Variants in NMNAT2 observed in about 807,000 individuals in gnomAD.
The protein encoded by NMNAT2 is nicotinamide nucleotide adenylyltransferase 2, also known as nicotinamide/nicotinic acid mononucleotide adenylyltransferase 2.
In NMNAT2, 11 loss-of-function variants were observed where a neutral mutation model predicts 41.6. The observed-to-expected ratio is 0.26, with a 90% CI of 0.17 to 0.44. The LOEUF is 0.44. Ranked by LOEUF, NMNAT2 falls within the 20% of genes least tolerant of loss-of-function variation. The pLI is 1.00. For synonymous variants in NMNAT2, 148 were observed against 151.2 expected (o/e 0.98, Z 0.16); for missense variants, 288 against 407.7 (o/e 0.71, Z 2.53).
chr1:183,399,663 A>G (rs1426993302), intron 1 of NMNAT2, among the ~76,000 whole-genome samples: 2 of 152,250 alleles, frequency 1.3e-5, no homozygotes, highest in African/African-American at 4.8e-5. Context: ...AAAATCCTCA[A>G]TAAAATACTG....
intron 4 of NMNAT2, among the ~76,000 whole-genome samples, chr1:183,289,529 TCA>T (rs371649437): frequency 1.6e-3 from 239 of 152,316 alleles, no homozygotes; most frequent in African/African-American, 5.6e-3. Flanking sequence ...CTGTGTGTGC[TCA>T]GATATGTGGA....
intron 7 of NMNAT2, chr1:183,283,114 C>T (rs1661310343): frequency 6.6e-6 from 1 of 152,208 alleles, no homozygotes; most frequent in South Asian, 2.1e-4. Context: ...TCAGGACAAA[C>T]CCTGCCTCTC....
intron 1 of NMNAT2, among the ~76,000 whole-genome samples, chr1:183,414,859 T>C (rs1313167709): frequency 1.3e-5 from 2 of 152,204 alleles, no homozygotes; most frequent in Non-Finnish European, 2.9e-5. Context: ...CTTTTTCCTT[T>C]GATAAGAAAT....
intron 6 of NMNAT2, 146 bp downstream of exon 6, chr1:183,284,564 G>A: frequency 1.4e-6 from 1 of 723,430 alleles, no homozygotes; most frequent in Non-Finnish European, 2.5e-6. Flanking sequence ...CTGTGTGGGG[G>A]GATACGTTGT....
intron 5 of NMNAT2, among the ~76,000 whole-genome samples, chr1:183,285,959 T>A (rs1160933627): frequency 6.6e-6 from 1 of 152,208 alleles, no homozygotes; most frequent in Non-Finnish European, 1.5e-5. Context: ...CTCATGGCCC[T>A]GCTTCTTGCT....
intron 1 of NMNAT2, among the ~76,000 whole-genome samples, chr1:183,371,679 T>C (rs991055525): frequency 2.6e-5 from 4 of 152,224 alleles, no homozygotes; most frequent in African/African-American, 9.7e-5. Flanking sequence ...TCCAGGGTAT[T>C]CTGAGCTCTG....
At chr1:183,356,159 C>A (rs921749992) in intron 1 of NMNAT2, among the ~76,000 whole-genome samples, 3 of 152,216 alleles carry the variant, frequency 2.0e-5, no homozygotes, top group East Asian at 3.8e-4. Flanking sequence ...AGGAAGTGAG[C>A]TATTTTTCCA....
In NMNAT2 at chr1:183,261,208, T is replaced by C. The variant is rs763505166; in HGVS notation, c.747A>G (p.Lys249=). ...RIMNHSSILR[K]YKNNIMVVKD... ...AGCAGGATGGAGGACTCACTTTGTA[T>C]TTGCGGAGTATTGAGGAGTGATTCA... is the stretch of plus-strand genomic sequence containing the variant. The change falls in exon 9 of 11, where the codon AAA becomes AAG. Residue 249 remains lysine (K), a synonymous_variant. Transcript: ENST00000287713. 4 of 1,613,962 alleles carry C rather than the reference T, an allele frequency of 2.5e-6. No individual in the cohort carries two copies. The East Asian group carries it at 8.9e-5, about 36-fold the overall frequency.
intron 1 of NMNAT2, among the ~76,000 whole-genome samples, chr1:183,322,481 C>T (rs1392912239): frequency 6.6e-6 from 1 of 152,170 alleles, no homozygotes; most frequent in Non-Finnish European, 1.5e-5. Flanking sequence ...TCCTCCTCCA[C>T]CTGACCCATC....
At chr1:183,259,249 G>A (rs1474561203) in intron 10 of NMNAT2, among the ~76,000 whole-genome samples, 14 of 152,146 alleles carry the variant, frequency 9.2e-5, no homozygotes, top group African/African-American at 3.1e-4. Context: ...CGACTCTAAT[G>A]TGCAGCCATG....
intron 1 of NMNAT2, among the ~76,000 whole-genome samples, chr1:183,389,306 T>C (rs1409841481): frequency 6.6e-6 from 1 of 152,212 alleles, no homozygotes. Context: ...ACACATTCCT[T>C]TGGGATCCAT....
At chr1:183,295,037 G>A (rs1023438531) in intron 1 of NMNAT2, among the ~76,000 whole-genome samples, 2 of 152,036 alleles carry the variant, frequency 1.3e-5, no homozygotes, top group Non-Finnish European at 2.9e-5. Context: ...AAAGTCTCAC[G>A]CTGTCACTTA....
rs142685154 is a variant in NMNAT2 at position 183,379,092 on chromosome 1, A to AT, written c.85+39090_85+39091insA. Among the ~76,000 whole-genome samples, 3 of 115,246 alleles carry AT rather than the reference A, an allele frequency of 2.6e-5. No individual in the cohort carries two copies. The East Asian group carries it at 7.0e-4, about 27-fold the overall frequency. The allele number at this position is 115,246 out of a possible 152,430, so 75.6% of individuals were successfully genotyped here. ...TATCTATATCTATATCTATATCTAT[A>AT]ATCTATAATCTATATCTCTCTCTCT... On this transcript the variant is annotated intron_variant, in intron 1 of 10. Coordinates refer to ENST00000287713, the MANE Select transcript of NMNAT2 (RefSeq NM_015039.4).
chr1:183,395,772 G>T lies in NMNAT2; in HGVS notation c.85+22411C>A, dbSNP rs1027831642. ...TTTACAGTGTATTGGGAGAGGGGAG[G>T]TTATTGAATAATAATCTGTAGGCAT... On this transcript the variant is annotated intron_variant, in intron 1 of 10. Transcript: ENST00000287713. Among the ~76,000 whole-genome samples, 3 of 152,166 alleles carry T rather than the reference G, an allele frequency of 2.0e-5. No individual in the cohort carries two copies. In the South Asian group the frequency reaches 6.2e-4, roughly 32 times the overall value.
intron 7 of NMNAT2, among the ~76,000 whole-genome samples, chr1:183,279,774 G>A (rs927490923): frequency 6.6e-6 from 1 of 152,212 alleles, no homozygotes; most frequent in African/African-American, 2.4e-5. Flanking sequence ...GCCTTCCCAC[G>A]TAAGGGAGCC....
At chr1:183,407,767 G>A (rs1557902612) in intron 1 of NMNAT2, among the ~76,000 whole-genome samples, 1 of 152,170 alleles carries the variant, frequency 6.6e-6, no homozygotes, top group East Asian at 1.9e-4. Context: ...GCAAGAGCAC[G>A]CCTGATGCAA....
intron 1 of NMNAT2, among the ~76,000 whole-genome samples, chr1:183,305,832 C>T (rs1447201958): frequency 6.6e-6 from 1 of 151,314 alleles, no homozygotes; most frequent in East Asian, 1.9e-4. Context: ...GTGATTCTCC[C>T]GCCTTAGCCT....
intron 1 of NMNAT2, among the ~76,000 whole-genome samples, chr1:183,347,737 A>G (rs1662963749): frequency 2.6e-5 from 4 of 152,208 alleles, no homozygotes; most frequent in Admixed American, 2.6e-4. Flanking sequence ...TGCAGCATAT[A>G]GCAGGGGCTC....
At chr1:183,383,566 T>C (rs1663849740) in intron 1 of NMNAT2, among the ~76,000 whole-genome samples, 1 of 152,248 alleles carries the variant, frequency 6.6e-6, no homozygotes, top group Admixed American at 6.5e-5. Flanking sequence ...CCTATCACCA[T>C]ACGCTGTTAG....
Sources: gnomAD v4.1 joint callset for allele counts (sites outside exome capture counted in the v4.1 genomes callset) on GRCh38, gnomAD v4.1.1 for gene constraint, MANE v1.5 for transcripts, NCBI Gene and HGNC (gene_info 2026-07-23, HGNC 2026-07-21) for gene names.